NTRK2: variants seen among roughly 807,000 people sequenced by gnomAD.
The protein encoded by NTRK2 is BDNF/NT-3 growth factors receptor.
NTRK2 carries 13 observed loss-of-function variants against 94.5 expected under a neutral mutation model. The observed-to-expected ratio is 0.14, with a 90% CI of 0.09 to 0.22. The LOEUF is 0.22. NTRK2 is among the 10% of genes least tolerant of loss of function. The pLI, the probability that NTRK2 is intolerant of heterozygous loss-of-function variation, is 1.00. For synonymous variants in NTRK2, 372 were observed against 407.4 expected (o/e 0.91, Z 1.05); for missense variants, 639 against 1,071.2 (o/e 0.60, Z 5.63).
chr9:84,851,406 TTTTC>T (rs1651865094), intron 12 of NTRK2, among the ~76,000 whole-genome samples: 1 of 152,150 alleles, frequency 6.6e-6, no homozygotes, highest in Admixed American at 6.6e-5. Flanking sequence ...AAATAATGGG[TTTTC>T]ATTTTGTCCT....
At chr9:84,830,035 T>C (rs935168857) in intron 12 of NTRK2, among the ~76,000 whole-genome samples, 18 of 152,182 alleles carry the variant, frequency 1.2e-4, no homozygotes, top group African/African-American at 2.9e-4. Context: ...AACACCCCCT[T>C]CTCTCCAAAT....
At chr9:84,723,464 A>C in intron 6 of NTRK2, 109 bp from the exon 7 acceptor site, 1 of 1,281,482 alleles carries the variant, frequency 7.8e-7, no homozygotes, top group Non-Finnish European at 1.1e-6. Flanking sequence ...CTCAAAAAGC[A>C]ATTAAAGATT....
chr9:84,991,747 G>A (rs1288485398), intron 17 of NTRK2, among the ~76,000 whole-genome samples: 5 of 152,236 alleles, frequency 3.3e-5, no homozygotes, highest in South Asian at 2.1e-4. Context: ...CATTAAAGTC[G>A]GCCAATTAGT....
At chr9:84,926,432 A>G (rs532129600) in intron 14 of NTRK2, among the ~76,000 whole-genome samples, 5 of 151,840 alleles carry the variant, frequency 3.3e-5, no homozygotes, top group Admixed American at 1.3e-4. Flanking sequence ...GGGTTTCTCC[A>G]TGTTGGTCAG....
chr9:84,782,978 C>T (rs1246537520), intron 12 of NTRK2, among the ~76,000 whole-genome samples: 1 of 152,134 alleles, frequency 6.6e-6, no homozygotes, highest in Non-Finnish European at 1.5e-5. Flanking sequence ...ATATACAATA[C>T]TTCTCACATA....
In NTRK2 at chr9:84,934,288, T is replaced by C. The variant is rs1235066441; in HGVS notation, c.1760T>C (p.Val587Ala). Residue 587 changes from valine (V) to alanine (A), a missense_variant, in exon 15 of 19, where the codon GTG becomes GCG. Val to Ala is a moderately conservative substitution (Grantham distance 64). This residue lies in a region of NTRK2 where 343 missense variants were observed against 571.5 expected (regional missense o/e 0.60). Transcript: ENST00000277120. ...GAGCAGGACAAGATCTTGGTGGCAG[T>C]GAAGGTAAGAGAACATTCCAGAATG... ...CPEQDKILVAVKTLKDASDNA... is the reference protein window; with the variant it reads ...CPEQDKILVAAKTLKDASDNA... The C allele has an allele frequency of 1.2e-6, 2 of 1,613,870 alleles. No individual in the cohort carries two copies. The highest frequency in any genetic ancestry group is 1.7e-6 in the Non-Finnish European group (2 of 1,179,890).
intron 11 of NTRK2, among the ~76,000 whole-genome samples, chr9:84,747,291 T>C (rs1221933793): frequency 6.6e-6 from 1 of 152,194 alleles, no homozygotes; most frequent in East Asian, 1.9e-4. Flanking sequence ...ACAAATACCA[T>C]GGTAAGTCAA....
At chr9:84,874,821 G>C (rs2076005430) in intron 14 of NTRK2, 1 of 1,057,954 alleles carries the variant, frequency 9.5e-7, no homozygotes. Flanking sequence ...GGCAGTTCCT[G>C]TTATGTGAAA....
chr9:84,730,292 T>C (rs1028401763), intron 9 of NTRK2, among the ~76,000 whole-genome samples: 2 of 152,214 alleles, frequency 1.3e-5, no homozygotes, highest in Admixed American at 1.3e-4. Flanking sequence ...TAAATGGCCC[T>C]AGTGGGCCAT....
chr9:84,949,442 TG>T (rs2078704247), intron 16 of NTRK2, among the ~76,000 whole-genome samples: 2 of 124,926 alleles, frequency 1.6e-5, no homozygotes, highest in African/African-American at 2.8e-5. Context: ...CCTGATTGGT[TG>T]GGATTTATTT....
intron 14 of NTRK2, among the ~76,000 whole-genome samples, chr9:84,924,617 G>A (rs147021452): frequency 6.6e-5 from 10 of 152,334 alleles, no homozygotes; most frequent in South Asian, 2.1e-4. Flanking sequence ...AGGATGTACC[G>A]TATGTGTATT....
intron 14 of NTRK2, among the ~76,000 whole-genome samples, chr9:84,884,330 C>G (rs1047671286): frequency 5.3e-5 from 8 of 152,130 alleles, no homozygotes; most frequent in Non-Finnish European, 7.4e-5. Flanking sequence ...CAGTTGAAAA[C>G]AAAAATGTAA....
At chr9:84,795,445 C>T (rs1160843640) in intron 12 of NTRK2, among the ~76,000 whole-genome samples, 3 of 152,136 alleles carry the variant, frequency 2.0e-5, no homozygotes, top group South Asian at 2.1e-4. Context: ...TCTTGGGAAA[C>T]GCGAGGGCTG....
intron 17 of NTRK2, among the ~76,000 whole-genome samples, chr9:85,018,090 T>C (rs1367993194): frequency 6.6e-6 from 1 of 152,156 alleles, no homozygotes; most frequent in East Asian, 1.9e-4. Flanking sequence ...AAATGCTTGC[T>C]GTGTGGATGA....
rs79745318 is a variant in NTRK2, at chr9:84,862,058, G to A, written c.1444+971G>A. Among the ~76,000 whole-genome samples the A allele has an allele frequency of 9.6e-3, 1,456 of 152,272 alleles. 10 individuals carry two copies. Among genetic ancestry groups the A allele is most frequent in the Non-Finnish European group, 0.016 (1,098 of 68,018 alleles). ...GTGATCCAAAAATGACCAGCCGGCTGAGGCAGCCTGGCCAGATGGGGCCTG... is the reference window on the plus strand; with the variant it reads ...GTGATCCAAAAATGACCAGCCGGCTAAGGCAGCCTGGCCAGATGGGGCCTG... On this transcript the variant is annotated intron_variant, in intron 13 of 18. Transcript: ENST00000277120.
chr9:84,889,627 G>A (rs2076536994), intron 14 of NTRK2, among the ~76,000 whole-genome samples: 1 of 151,974 alleles, frequency 6.6e-6, no homozygotes, highest in Non-Finnish European at 1.5e-5. Context: ...TGGCCAGGCT[G>A]GTCTAAAACT....
At chr9:84,940,197 C>T (rs2078358289) in intron 15 of NTRK2, among the ~76,000 whole-genome samples, 1 of 152,060 alleles carries the variant, frequency 6.6e-6, no homozygotes, top group African/African-American at 2.4e-5. Flanking sequence ...ATTAGAGATG[C>T]TATAACTAAA....
intron 2 of NTRK2, among the ~76,000 whole-genome samples, chr9:84,676,346 T>G: frequency 6.6e-6 from 1 of 152,186 alleles, no homozygotes; most frequent in East Asian, 1.9e-4. Flanking sequence ...TCTGAAGACC[T>G]TTGGTGTCAG....
At chr9:84,675,814 G>C (rs894965616) in intron 2 of NTRK2, among the ~76,000 whole-genome samples, 32 of 152,178 alleles carry the variant, frequency 2.1e-4, no homozygotes, top group African/African-American at 6.8e-4. Flanking sequence ...ACTGTGGCCT[G>C]ATAATTTTAG....
Sources: gnomAD v4.1 joint callset for allele counts (sites outside exome capture counted in the v4.1 genomes callset) on GRCh38, gnomAD v4.1.1 for gene constraint, gnomAD v4.1.1 regional missense constraint, MANE v1.5 for transcripts, NCBI Gene and HGNC (gene_info 2026-07-23, HGNC 2026-07-21) for gene names.